The following PLEKHA5 variants were observed in gnomAD, a reference collection of about 807,000 sequenced individuals.
PLEKHA5 encodes the protein pleckstrin homology domain containing A5.
A neutral mutation model predicts 181.9 loss-of-function variants in PLEKHA5; 55 were observed. That is an observed-to-expected ratio of 0.30 (90% CI 0.24 to 0.38). The LOEUF (loss-of-function observed/expected upper bound fraction) is 0.38. PLEKHA5 is among the 10% of genes least tolerant of loss of function. PLEKHA5 has a pLI of 1.00. For missense variants in PLEKHA5, 1,432 were observed against 1,549.5 expected, an observed-to-expected ratio of 0.92 and a Z score of 1.27; for synonymous variants, 535 against 529.4, an observed-to-expected ratio of 1.01 and a Z score of -0.15.
rs181256041 is a variant in PLEKHA5 at position 19,131,404 on chromosome 12, T to G, written c.170-989T>G. On this transcript the variant is annotated intron_variant, in intron 2 of 31. Transcript: ENST00000429027. ...CTTACATTTTTAAGGCATTTCTGAC[T>G]AATACACTATCATGTTTCTCAATTC... 3.3e-3 allele frequency among the ~76,000 whole-genome samples: 498 copies of G among 152,360 alleles called. 8 individuals are homozygous for G. The highest frequency in any genetic ancestry group is 8.2e-4 in the Non-Finnish European group (56 of 68,032).
In PLEKHA5 at chr12:19,283,626, G is replaced by C; in HGVS notation, c.1660G>C (p.Gly554Arg). Residue 554 changes from glycine (G) to arginine (R), a missense_variant, in exon 12 of 32, where the codon GGG becomes CGG. Around this residue, in one of 2 missense-constraint regions of PLEKHA5, gnomAD observed 1,143 missense variants for 1,168.4 expected, o/e 0.98. Coordinates refer to ENST00000429027, the MANE Select transcript of PLEKHA5 (RefSeq NM_001256470.2). ...MHSIPTSPSH[G>R]SIAAYQGYSP... ...CTCTATTCCCACATCACCTTCCCAC[G>C]GGTCAATAGCTGCTTATCAGGGATA... 3 of 1,613,926 alleles carry C rather than the reference G, an allele frequency of 1.9e-6. No individual in the cohort carries two copies. The highest frequency in any genetic ancestry group is 2.5e-6 in the Non-Finnish European group (3 of 1,179,930).
chr12:19,345,969 T>A (rs1357951127), intron 23 of PLEKHA5, 81 bp downstream of exon 23: 2 of 670,974 alleles, frequency 3.0e-6, no homozygotes, highest in African/African-American at 3.8e-5. Flanking sequence ...TTCTCTAATC[T>A]TAATAACAAA....
intron 11 of PLEKHA5, among the ~76,000 whole-genome samples, chr12:19,280,430 C>G (rs749833422): frequency 6.6e-6 from 1 of 152,066 alleles, no homozygotes; most frequent in African/African-American, 2.4e-5. Context: ...AGATTATCAG[C>G]GAAGGATTCC....
intron 25 of PLEKHA5, among the ~76,000 whole-genome samples, chr12:19,352,193 G>A (rs745408192): frequency 7.3e-5 from 11 of 151,704 alleles, no homozygotes; most frequent in Non-Finnish European, 1.5e-4. Flanking sequence ...AGACCAGCCT[G>A]GACAACGTGG....
chr12:19,229,374 CTTCTGA>C (rs1299298235), intron 3 of PLEKHA5, among the ~76,000 whole-genome samples: 1 of 152,114 alleles, frequency 6.6e-6, no homozygotes, highest in Non-Finnish European at 1.5e-5. Context: ...GAGTTTGTTC[CTTCTGA>C]TGTTCAGATG....
At chr12:19,313,209 C>A (rs1051053835) in intron 15 of PLEKHA5, among the ~76,000 whole-genome samples, 3 of 151,994 alleles carry the variant, frequency 2.0e-5, no homozygotes, top group Admixed American at 6.6e-5. Flanking sequence ...GCCCCTGTCT[C>A]TACAAAAAAT....
chr12:19,308,371 C>T (rs1369963066), intron 15 of PLEKHA5, among the ~76,000 whole-genome samples: 1 of 152,128 alleles, frequency 6.6e-6, no homozygotes, highest in Non-Finnish European at 1.5e-5. Flanking sequence ...GGTTATAAAG[C>T]TCTTGTTATT....
At chr12:19,281,768 TTTG>T (rs71064075) in intron 11 of PLEKHA5, among the ~76,000 whole-genome samples, 21,248 of 149,520 alleles carry the variant, frequency 0.14, 1,751 homozygotes, top group Admixed American at 0.22. Context: ...CAAAGTGGTT[TTTG>T]TTGTTGTTGT....
intron 3 of PLEKHA5, among the ~76,000 whole-genome samples, chr12:19,143,932 T>A (rs2038164905): frequency 6.6e-6 from 1 of 152,204 alleles, no homozygotes; most frequent in Non-Finnish European, 1.5e-5. Context: ...TGAATACTCT[T>A]GTATGCATGT....
intron 3 of PLEKHA5, among the ~76,000 whole-genome samples, chr12:19,136,056 T>C (rs1464509416): frequency 2.0e-5 from 3 of 151,982 alleles, no homozygotes; most frequent in South Asian, 2.1e-4. Context: ...ATTTGATTGA[T>C]TGATTGATTG....
chr12:19,273,261 C>T (rs887703229), intron 10 of PLEKHA5, among the ~76,000 whole-genome samples: 2 of 152,024 alleles, frequency 1.3e-5, no homozygotes, highest in Non-Finnish European at 2.9e-5. Flanking sequence ...GTAAATTTTC[C>T]CAATGTCTAA....
chr12:19,358,498 C>G (rs2095064375), intron 27 of PLEKHA5, 61 bp downstream of exon 27: 1 of 1,118,330 alleles, frequency 8.9e-7, no homozygotes, highest in Non-Finnish European at 1.3e-6. Flanking sequence ...ATTTTGGAAT[C>G]AGAGTTACAT....
chr12:19,255,514 A>T (rs1411916752), intron 5 of PLEKHA5, among the ~76,000 whole-genome samples: 2 of 151,962 alleles, frequency 1.3e-5, no homozygotes, highest in African/African-American at 4.8e-5. Flanking sequence ...AACCATTGTA[A>T]TAGTATATTA....
At chr12:19,249,626 TA>T (rs1222385823) in intron 3 of PLEKHA5, among the ~76,000 whole-genome samples, 1 of 152,252 alleles carries the variant, frequency 6.6e-6, no homozygotes, top group Non-Finnish European at 1.5e-5. Context: ...ATAGATGTTA[TA>T]TTTTTGAAAA....
In PLEKHA5 at chr12:19,269,411, G is replaced by T. The variant is rs1157816750; in HGVS notation, c.712-359G>T. On this transcript the variant is annotated intron_variant, in intron 8 of 31. Transcript: ENST00000429027. ...CAAAAAAAAGAAAAAAAAAAAAAAA[G>T]GTGTGAATTGCAGTAAATGGAAATT... Among the ~76,000 whole-genome samples, 3 of 139,222 alleles carry T rather than the reference G, an allele frequency of 2.2e-5. No homozygotes were observed. The East Asian group carries it at 6.1e-4, about 28-fold the overall frequency. 91.3% of individuals were successfully genotyped at this position (139,222 alleles called of 152,430 possible).
chr12:19,297,628 CAAAAAAAAAA>C (rs934426933), intron 15 of PLEKHA5, among the ~76,000 whole-genome samples: 5 of 63,764 alleles, frequency 7.8e-5, no homozygotes, highest in Admixed American at 1.7e-4. Flanking sequence ...GGCTCCGTCT[CAAAAAAAAAA>C]AAAAAAAAAA....
chr12:19,327,315 A>G (rs1056988787), intron 20 of PLEKHA5, among the ~76,000 whole-genome samples: 13 of 140,572 alleles, frequency 9.2e-5, no homozygotes, highest in Non-Finnish European at 1.5e-4. Flanking sequence ...TCTCATTGTG[A>G]TTTTAATTTG....
At chr12:19,211,648 C>G (rs1190266896) in intron 3 of PLEKHA5, among the ~76,000 whole-genome samples, 1 of 151,996 alleles carries the variant, frequency 6.6e-6, no homozygotes, top group Non-Finnish European at 1.5e-5. Flanking sequence ...TATCAAATGA[C>G]CTAGTCACAA....
At chr12:19,147,745 T>G (rs1348137150) in intron 3 of PLEKHA5, among the ~76,000 whole-genome samples, 4 of 152,136 alleles carry the variant, frequency 2.6e-5, no homozygotes, top group Non-Finnish European at 5.9e-5. Context: ...ATATTGTATT[T>G]TATTTTTAGA....
Sources: gnomAD v4.1 joint callset for allele counts (sites outside exome capture counted in the v4.1 genomes callset) on GRCh38, gnomAD v4.1.1 for gene constraint, gnomAD v4.1.1 regional missense constraint, MANE v1.5 for transcripts, NCBI Gene and HGNC (gene_info 2026-07-23, HGNC 2026-07-21) for gene names.